Variants in CACTIN observed in about 807,000 individuals in gnomAD.
CACTIN encodes the protein splicing factor Cactin.
In CACTIN, 20 loss-of-function variants were observed where a neutral mutation model predicts 84.9. The ratio of observed to expected loss-of-function variants is 0.24; its 90% confidence interval spans 0.17 to 0.34. The LOEUF is 0.34. CACTIN is among the 10% of genes least tolerant of loss of function. CACTIN has a pLI of 1.00. For synonymous variants in CACTIN, 549 were observed against 467.9 expected (o/e 1.17, Z -2.24); for missense variants, 897 against 1,117.2 (o/e 0.80, Z 2.81).
chr19:3,613,174 C>CCGGCGT lies in CACTIN; in HGVS notation c.1664_1669dup (p.Asp555_Ala556dup). 1 of 1,611,228 alleles carries CCGGCGT rather than the reference C, an allele frequency of 6.2e-7. No individual in the cohort carries two copies. Among genetic ancestry groups the CCGGCGT allele is most frequent in the Non-Finnish European group, 8.5e-7 (1 of 1,179,378 alleles). On this transcript the variant is annotated inframe_insertion, in exon 9 of 10. Transcript: ENST00000429344. ...CGTGAGCAGCCGCGGGCTGTACCTG[C>CCGGCGT]CGGCGTCGTAGTCGTCCAGGCTCTG...
chr19:3,612,970 C>A, intron 9 of CACTIN, 88 bp downstream of exon 9: 1 of 1,454,456 alleles, frequency 6.9e-7, no homozygotes, highest in South Asian at 1.2e-5. Flanking sequence ...CTGACGCCAG[C>A]GGCTTCGGCC....
In CACTIN at chr19:3,612,533, G is replaced by A. The variant is rs953334634; in HGVS notation, c.1787-120C>T. 37 of 1,388,448 alleles carry A rather than the reference G, an allele frequency of 2.7e-5. No homozygotes were observed. The African/African-American group carries it at 4.6e-4, about 17-fold the overall frequency. The allele number at this position is 1,388,448 out of a possible 1,614,324, so 86.0% of individuals were successfully genotyped here. On this transcript the variant is annotated intron_variant, in intron 9 of 9. Transcript: ENST00000429344. ...CCGCAAAAGGAAAACAGGCTGGGGC[G>A]AGCTAAGGCACATGGGGAGGGGACA...
At chr19:3,616,685 A>C (rs2033113398) in intron 6 of CACTIN, 1 of 152,204 alleles carries the variant, frequency 6.6e-6, no homozygotes. Flanking sequence ...AAAAAACTTT[A>C]ATTTTGTAAA....
intron 9 of CACTIN, chr19:3,612,794 T>C (rs2032995130): frequency 1.4e-6 from 1 of 703,522 alleles, no homozygotes; most frequent in African/African-American, 1.7e-5. Context: ...GGACGGAGGC[T>C]GCCCAGGGAG....
At chr19:3,620,002 G>A (rs2033189301) in intron 4 of CACTIN, 125 bp downstream of exon 4, 14 of 1,153,026 alleles carry the variant, frequency 1.2e-5, no homozygotes, top group Non-Finnish European at 1.6e-5. Flanking sequence ...GGTCAGGAAG[G>A]GAAGGTCCCA....
intron 2 of CACTIN, among the ~76,000 whole-genome samples, chr19:3,621,200 A>G (rs1228371153): frequency 6.6e-6 from 1 of 152,250 alleles, no homozygotes; most frequent in Non-Finnish European, 1.5e-5. Context: ...CCACGCCCTC[A>G]GCAAGTCAGG....
At position 3,619,236 on chromosome 19, in the gene CACTIN, C is replaced by T. The variant is rs771865433; in HGVS notation, c.891G>A (p.Lys297=). Residue 297 remains lysine, a synonymous_variant, in exon 5 of 10, where the codon AAG becomes AAA. Coordinates refer to ENST00000429344, the MANE Select transcript of CACTIN (RefSeq NM_001080543.2). ...FHLQQAKLRS[K]IRIRDGRAKP... ...TGGCCCGCCCGTCCCGGATGCGGAT[C>T]TTGGAACTGTGGGGAGCAGGGGAAG... is the stretch of plus-strand genomic sequence containing the variant. 1.2e-6 allele frequency: 2 copies of T among 1,612,940 alleles called. No homozygotes were observed. Among genetic ancestry groups the T allele is most frequent in the Non-Finnish European group, 8.5e-7 (1 of 1,179,608 alleles).
At chr19:3,612,858 G>C in intron 9 of CACTIN, 200 bp downstream of exon 9, 1 of 758,762 alleles carries the variant, frequency 1.3e-6, no homozygotes, top group Non-Finnish European at 2.3e-6. Flanking sequence ...CAAGGCCAGT[G>C]GGCCAGCAAG....
intron 9 of CACTIN, 156 bp downstream of exon 9, chr19:3,612,902 T>A (rs1463521061): frequency 1.1e-6 from 1 of 902,968 alleles, no homozygotes; most frequent in East Asian, 2.6e-5. Flanking sequence ...CCAGTGCGCG[T>A]GCAGGTGACG....
chr19:3,626,397 C>A (rs1599898455), intron 1 of CACTIN, among the ~76,000 whole-genome samples, 199 bp downstream of exon 1: 1 of 152,232 alleles, frequency 6.6e-6, no homozygotes, highest in African/African-American at 2.4e-5. Context: ...CCTCCAACCG[C>A]CCGGTCCCCT....
chr19:3,614,317 AC>A, intron 7 of CACTIN, 79 bp downstream of exon 7: 2 of 1,388,504 alleles, frequency 1.4e-6, no homozygotes, highest in South Asian at 1.2e-5. Context: ...GGCGAGACCC[AC>A]CCCACCCAGG....
rs762886918 is a variant in CACTIN, at chr19:3,614,419, G to A, written c.1333C>T (p.Arg445Cys). 3.8e-6 allele frequency: 6 copies of A among 1,586,570 alleles called. No homozygotes were observed. The highest frequency in any genetic ancestry group is 2.7e-5 in the African/African-American group (2 of 74,344). ...CACCGGGCCCGTGCCATGTGGGCAC[G>A]AAGCTGCTGCAGGAGGCTCTCCCAG... ...GYWESLLQQL[R>C]AHMARARLRE... Residue 445 changes from arginine (R) to cysteine (C), a missense_variant, in exon 7 of 10, where the codon CGT becomes TGT. Around this residue, in one of 8 missense-constraint regions of CACTIN, gnomAD observed 304 missense variants for 444.3 expected, o/e 0.68. Coordinates refer to ENST00000429344, the MANE Select transcript of CACTIN (RefSeq NM_001080543.2).
rs374916502 is a variant in CACTIN at position 3,619,221 on chromosome 19, G to A, written c.906C>T (p.Asp302=). 75 of 1,613,426 alleles carry A rather than the reference G, an allele frequency of 4.6e-5. No homozygotes were observed. In the African/African-American group the frequency reaches 8.7e-4, roughly 19 times the overall value. Residue 302 remains aspartate (D), a synonymous_variant, in exon 5 of 10, where the codon GAC becomes GAT. Transcript: ENST00000429344. ...AKLRSKIRIR[D]GRAKPIDLLA... is the part of the protein sequence containing the mutation. ...GCAGGTCGATGGGCTTGGCCCGCCC[G>A]TCCCGGATGCGGATCTTGGAACTGT...
At chr19:3,626,442 G>A (rs976935942) in intron 1 of CACTIN, among the ~76,000 whole-genome samples, 154 bp downstream of exon 1, 1 of 152,346 alleles carries the variant, frequency 6.6e-6, no homozygotes, top group South Asian at 2.1e-4. Flanking sequence ...TCCGCTGCCA[G>A]GTTAATTCCA....
Position 3,613,203 on chromosome 19 carries a change from G to A in CACTIN, c.1641C>T (p.Ile547=). 6.2e-7 allele frequency: 1 copy of A among 1,611,510 alleles called. No individual in the cohort carries two copies. The highest frequency in any genetic ancestry group is 8.5e-7 in the Non-Finnish European group (1 of 1,179,342). ...CGTCGTAGTCGTCCAGGCTCTGCTG[G>A]ATCAGGTCCTCCTCCATGAGCACCG... is the stretch of plus-strand genomic sequence containing the variant. The part of the protein sequence containing the change: ...GEAVLMEEDL[I]QQSLDDYDAG... The change falls in exon 9 of 10, where the codon ATC becomes ATT. Residue 547 remains isoleucine (I), a synonymous_variant. Transcript: ENST00000429344.
In CACTIN at chr19:3,620,147, G is replaced by A. The variant is rs779364047; in HGVS notation, c.864C>T (p.His288=). 7 of 1,611,654 alleles carry A rather than the reference G, an allele frequency of 4.3e-6. No homozygotes were observed. The highest frequency in any genetic ancestry group is 2.2e-5 in the East Asian group (1 of 44,880). The stretch of plus-strand genomic sequence containing the variant: ...CGCACCGCAGCTTGGCCTGCTGGAG[G>A]TGGAAGTTGTCCTCCTGCTCCTCCC... ...KTWEEQEDNF[H]LQQAKLRSKI... Residue 288 remains histidine, a synonymous_variant, in exon 4 of 10, where the codon CAC becomes CAT. Coordinates refer to ENST00000429344, the MANE Select transcript of CACTIN (RefSeq NM_001080543.2).
At position 3,619,145 on chromosome 19, in the gene CACTIN, C is replaced by T; in HGVS notation, c.982G>A (p.Glu328Lys). ...EDDDLAVEMH[E>K]PYTFLNGLTV... The stretch of plus-strand genomic sequence containing the variant: ...AGGCCGTTGAGGAACGTGTAGGGCT[C>T]ATGCATCTCCACGGCCAGATCGTCA... Residue 328 changes from glutamate (E) to lysine (K), a missense_variant, in exon 5 of 10, where the codon GAG becomes AAG. Glu to Lys is a moderately conservative substitution (Grantham distance 56). Transcript: ENST00000429344. 1.2e-6 allele frequency: 2 copies of T among 1,607,072 alleles called. No homozygotes were observed. The highest frequency in any genetic ancestry group is 1.7e-6 in the Non-Finnish European group (2 of 1,177,064).
chr19:3,624,085 CTT>C lies in CACTIN; in HGVS notation c.243_244del (p.Asp83TrpfsTer29), dbSNP rs1194920338. Reference sequence around the variant, plus strand: ...TGAGTCCGACTGAGAGGACCCATCTCTTGAGTGCCACTTGGGCCGCGGGGGGC... The same window carrying C: ...TGAGTCCGACTGAGAGGACCCATCTCGAGTGCCACTTGGGCCGCGGGGGGC... On this transcript the variant is annotated frameshift_variant, in exon 2 of 10. Coordinates refer to ENST00000429344, the MANE Select transcript of CACTIN (RefSeq NM_001080543.2). LOFTEE classifies it high-confidence loss of function. 1.9e-6 allele frequency: 3 copies of C among 1,598,110 alleles called. No homozygotes were observed. Among genetic ancestry groups the C allele is most frequent in the South Asian group, 1.1e-5 (1 of 91,040 alleles).
intron 1 of CACTIN, among the ~76,000 whole-genome samples, chr19:3,625,541 C>T (rs2033316436): frequency 6.6e-6 from 1 of 152,120 alleles, no homozygotes; most frequent in South Asian, 2.1e-4. Context: ...ACCTGCCTGG[C>T]CAATATGGAG....
Sources: gnomAD v4.1 joint callset for allele counts (sites outside exome capture counted in the v4.1 genomes callset) on GRCh38, gnomAD v4.1.1 for gene constraint, gnomAD v4.1.1 regional missense constraint, MANE v1.5 for transcripts, NCBI Gene and HGNC (gene_info 2026-07-23, HGNC 2026-07-21) for gene names.